The following FOXO1 variants were observed in gnomAD, a reference collection of about 807,000 sequenced individuals.
FOXO1 encodes the protein forkhead box protein O1.
In FOXO1, 6 loss-of-function variants were observed where a neutral mutation model predicts 44.1. That is an observed-to-expected ratio of 0.14 (90% confidence interval 0.07 to 0.27). The LOEUF is 0.27. Among genes scored for constraint, FOXO1 ranks in the 10% least tolerant of loss-of-function variants. FOXO1 has a pLI of 1.00. For synonymous variants in FOXO1, 380 were observed against 362.7 expected (o/e 1.05, Z -0.54); for missense variants, 737 against 888.8 (o/e 0.83, Z 2.17).
chr13:40,559,955 A>G lies in FOXO1; in HGVS notation c.1536T>C (p.Ser512=). The G allele has an allele frequency of 6.2e-7, 1 of 1,614,122 alleles. No individual in the cohort carries two copies. Residue 512 remains serine, a synonymous_variant, in exon 2 of 3, where the codon TCT becomes TCC. Coordinates refer to ENST00000379561, the MANE Select transcript of FOXO1 (RefSeq NM_002015.4). ...AGCTGGGATTCATCATTTTGTTATGAGATGCCTGGCTGCCATAGGTTGACA... is the reference window on the plus strand; with the variant it reads ...AGCTGGGATTCATCATTTTGTTATGGGATGCCTGGCTGCCATAGGTTGACA... ...SVMSTYGSQA[S]HNKMMNPSSH... is the part of the protein sequence containing the mutation.
At chr13:40,646,831 T>G (rs1339175151) in intron 1 of FOXO1, among the ~76,000 whole-genome samples, 1 of 152,100 alleles carries the variant, frequency 6.6e-6, no homozygotes, top group Non-Finnish European at 1.5e-5. Context: ...TGACCTCAAG[T>G]GATCCACCTG....
intron 1 of FOXO1, among the ~76,000 whole-genome samples, chr13:40,598,770 C>T (rs1875694163): frequency 6.6e-6 from 1 of 152,196 alleles, no homozygotes; most frequent in South Asian, 2.1e-4. Context: ...AAATGCAGGA[C>T]CTTGGGCTTC....
chr13:40,575,822 A>C (rs1358135586), intron 1 of FOXO1, among the ~76,000 whole-genome samples: 1 of 152,234 alleles, frequency 6.6e-6, no homozygotes, highest in African/African-American at 2.4e-5. Flanking sequence ...CAGCACACGC[A>C]AAACAAGAAA....
At chr13:40,568,763 A>G (rs1874367684) in intron 1 of FOXO1, among the ~76,000 whole-genome samples, 1 of 151,594 alleles carries the variant, frequency 6.6e-6, no homozygotes, top group African/African-American at 2.4e-5. Flanking sequence ...TGCTACCCCC[A>G]CTGTGCAGAG....
At chr13:40,559,400 A>C in intron 2 of FOXO1, 109 bp downstream of exon 2, 1 of 988,480 alleles carries the variant, frequency 1.0e-6, no homozygotes, top group Non-Finnish European at 1.5e-6. Flanking sequence ...CCCTCTCTGC[A>C]AGGGACAGTC....
intron 1 of FOXO1, among the ~76,000 whole-genome samples, chr13:40,650,249 G>A (rs777158720): frequency 2.0e-5 from 3 of 152,128 alleles, no homozygotes; most frequent in Non-Finnish European, 2.9e-5. Flanking sequence ...GGTCACTCTC[G>A]TGGCCATCTT....
At chr13:40,568,091 G>A (rs767565485) in intron 1 of FOXO1, among the ~76,000 whole-genome samples, 23 of 152,206 alleles carry the variant, frequency 1.5e-4, no homozygotes, top group Non-Finnish European at 2.6e-4. Context: ...AAAACCTGTG[G>A]GGACTCACAG....
chr13:40,597,167 A>G (rs1875611304), intron 1 of FOXO1, among the ~76,000 whole-genome samples: 1 of 148,802 alleles, frequency 6.7e-6, no homozygotes, highest in Admixed American at 6.7e-5. Context: ...AGACAGTTAC[A>G]CGTGATTAAT....
intron 1 of FOXO1, among the ~76,000 whole-genome samples, chr13:40,573,759 A>G (rs1183427643): frequency 6.6e-6 from 1 of 152,246 alleles, no homozygotes; most frequent in Non-Finnish European, 1.5e-5. Flanking sequence ...AGTTATCGAC[A>G]TCATTTTAAG....
At chr13:40,625,616 G>C (rs1378855488) in intron 1 of FOXO1, among the ~76,000 whole-genome samples, 2 of 150,642 alleles carry the variant, frequency 1.3e-5, no homozygotes, top group African/African-American at 4.9e-5. Flanking sequence ...CTTTGGAGTA[G>C]TCATTCTTTA....
intron 1 of FOXO1, among the ~76,000 whole-genome samples, chr13:40,582,223 A>C (rs1386208361): frequency 6.6e-6 from 1 of 152,176 alleles, no homozygotes; most frequent in East Asian, 1.9e-4. Context: ...GCCATATTTT[A>C]AAAAAATAAT....
chr13:40,608,671 GCTAT>G (rs1290366401), intron 1 of FOXO1, among the ~76,000 whole-genome samples: 6 of 151,992 alleles, frequency 3.9e-5, no homozygotes, highest in South Asian at 4.1e-4. Flanking sequence ...ATTTCTCCAG[GCTAT>G]CTTTTTTTCA....
At position 40,665,899 on chromosome 13, in the gene FOXO1, CCCCCGGTGGCGG is replaced by C; in HGVS notation, c.302_313del (p.Ala101_Gly104del). 8.5e-7 allele frequency: 1 copy of C among 1,170,676 alleles called. No homozygotes were observed. The highest frequency in any genetic ancestry group is 1.1e-6 in the Non-Finnish European group (1 of 951,978). 72.5% of individuals were successfully genotyped at this position (1,170,676 alleles called of 1,614,324 possible). ...CGGGCCCTGGAAGTCCCCGCACAGCCCCCCGGTGGCGGCCGCGGCGGCCGCCGCCGCCACCGC... is the reference window on the plus strand; with the variant it reads ...CGGGCCCTGGAAGTCCCCGCACAGCCCCGCGGCGGCCGCCGCCGCCACCGC... On this transcript the variant is annotated inframe_deletion, in exon 1 of 3. Coordinates refer to ENST00000379561, the MANE Select transcript of FOXO1 (RefSeq NM_002015.4).
At chr13:40,623,055 T>C (rs1199249550) in intron 1 of FOXO1, among the ~76,000 whole-genome samples, 2 of 152,064 alleles carry the variant, frequency 1.3e-5, no homozygotes, top group African/African-American at 2.4e-5. Context: ...AAAGGTACTA[T>C]TAAATCAAAA....
In FOXO1 at chr13:40,555,867, A is replaced by G. The variant is rs1311484335; in HGVS notation, c.*3182T>C. 3 of 152,682 alleles carry G rather than the reference A, an allele frequency of 2.0e-5. No homozygotes were observed. In the South Asian group the frequency reaches 6.2e-4, roughly 32 times the overall value. 9.5% of individuals were successfully genotyped at this position (152,682 alleles called of 1,614,324 possible). A position where few individuals can be genotyped will look rare whatever the true frequency, so the allele number is the denominator to read the frequency against. On this transcript the variant is annotated 3_prime_UTR_variant, in exon 3 of 3. Transcript: ENST00000379561. ...ATCAGGCACTTCTCAGAGTATCGGAACAAGAACGTGGAATCTGCACTGTTA... is the reference window on the plus strand; with the variant it reads ...ATCAGGCACTTCTCAGAGTATCGGAGCAAGAACGTGGAATCTGCACTGTTA...
chr13:40,660,701 G>A (rs928638625), intron 1 of FOXO1, among the ~76,000 whole-genome samples: 5 of 152,106 alleles, frequency 3.3e-5, no homozygotes, highest in South Asian at 2.1e-4. Context: ...CAGCAATTTT[G>A]GGATCTTGAA....
chr13:40,651,489 T>C (rs150565370), intron 1 of FOXO1, among the ~76,000 whole-genome samples: 1 of 151,600 alleles, frequency 6.6e-6, no homozygotes, highest in African/African-American at 2.4e-5. Flanking sequence ...TTAACCCTGA[T>C]AAATTTCCTT....
chr13:40,644,657 T>G (rs1481765874), intron 1 of FOXO1, among the ~76,000 whole-genome samples: 1 of 152,182 alleles, frequency 6.6e-6, no homozygotes, highest in Non-Finnish European at 1.5e-5. Flanking sequence ...AATTCCCGGT[T>G]TGATTGGGTC....
At chr13:40,610,165 G>A (rs553632781) in intron 1 of FOXO1, among the ~76,000 whole-genome samples, 3 of 152,100 alleles carry the variant, frequency 2.0e-5, no homozygotes, top group Non-Finnish European at 2.9e-5. Context: ...TCAGCTGCCC[G>A]TTTTTATTAA....
Sources: gnomAD v4.1 joint callset for allele counts (sites outside exome capture counted in the v4.1 genomes callset) on GRCh38, gnomAD v4.1.1 for gene constraint, MANE v1.5 for transcripts, NCBI Gene and HGNC (gene_info 2026-07-23, HGNC 2026-07-21) for gene names.